The following HACD1 variants were observed in gnomAD, a reference collection of about 807,000 sequenced individuals.
HACD1 encodes very-long-chain (3R)-3-hydroxyacyl-CoA dehydratase 1.
Under a neutral mutation model 32.0 loss-of-function variants are expected in HACD1, and 41 were observed. That is an observed-to-expected ratio of 1.28 (90% CI 1.00 to 1.66). The LOEUF is 1.66. Ranked by LOEUF, HACD1 falls within the 40% of genes most tolerant of loss-of-function variation. The pLI, the probability that HACD1 is intolerant of heterozygous loss-of-function variation, is 0.00. For missense variants in HACD1, 396 were observed against 380.1 expected, an observed-to-expected ratio of 1.04 and a Z score of -0.35; for synonymous variants, 142 against 139.0, an observed-to-expected ratio of 1.02 and a Z score of -0.15.
chr10:17,598,116 C>T (rs1834018888), intron 5 of HACD1, among the ~76,000 whole-genome samples: 1 of 151,634 alleles, frequency 6.6e-6, no homozygotes, highest in African/African-American at 2.4e-5. Context: ...AAAAATTAGC[C>T]AGGTGTGGTG....
intron 4 of HACD1, among the ~76,000 whole-genome samples, chr10:17,600,265 A>G (rs928295223): frequency 2.0e-5 from 3 of 152,218 alleles, no homozygotes; most frequent in African/African-American, 7.2e-5. Flanking sequence ...CGCCCTCTAG[A>G]AAACTGACTC....
intron 1 of HACD1, among the ~76,000 whole-genome samples, chr10:17,609,155 G>GTTTTTTTTTTT (rs56347429): frequency 7.6e-6 from 1 of 132,128 alleles, no homozygotes; most frequent in African/African-American, 2.9e-5. Flanking sequence ...TGTGCAAAAG[G>GTTTTTTTTTTT]TTTTTTTTTT....
chr10:17,596,666 C>T (rs1413463953), intron 5 of HACD1, among the ~76,000 whole-genome samples: 16 of 151,636 alleles, frequency 1.1e-4, no homozygotes, highest in Non-Finnish European at 4.4e-5. Context: ...GTTCTGAGGG[C>T]AGTATGGGAG....
At chr10:17,616,944 C>T in intron 1 of HACD1, 139 bp downstream of exon 1, 1 of 1,006,156 alleles carries the variant, frequency 9.9e-7, no homozygotes, top group Non-Finnish European at 1.3e-6. Flanking sequence ...CGGCGGTGGC[C>T]GCGGCGACAG....
intron 4 of HACD1, among the ~76,000 whole-genome samples, chr10:17,600,453 C>A (rs1414900180): frequency 6.6e-6 from 1 of 152,112 alleles, no homozygotes; most frequent in Admixed American, 6.6e-5. Context: ...GAGTCTCATG[C>A]CTCAGCCTCC....
At chr10:17,607,952 G>A (rs187503103) in intron 1 of HACD1, among the ~76,000 whole-genome samples, 68 of 152,198 alleles carry the variant, frequency 4.5e-4, no homozygotes, top group Middle Eastern at 3.4e-3. Flanking sequence ...TTCATCTATC[G>A]GTTTAGTAAC....
At chr10:17,603,878 A>C in intron 2 of HACD1, 52 bp downstream of exon 2, 5 of 1,511,306 alleles carry the variant, frequency 3.3e-6, no homozygotes, top group Non-Finnish European at 4.6e-6. Context: ...ACAACAAAAA[A>C]TGTTCACATA....
At position 17,617,066 on chromosome 10, in the gene HACD1, C is replaced by G. The variant is rs1270776146; in HGVS notation, c.257+17G>C. 1.4e-6 allele frequency: 2 copies of G among 1,466,622 alleles called. No individual in the cohort carries two copies. The highest frequency in any genetic ancestry group is 4.9e-5 in the Admixed American group (2 of 40,520). The allele number at this position is 1,466,622 out of a possible 1,614,324, so 90.9% of individuals were successfully genotyped here. On this transcript the variant is annotated intron_variant, in intron 1 of 6. Coordinates refer to ENST00000361271, the MANE Select transcript of HACD1 (RefSeq NM_014241.4). ...GCGGCGCGGGGAGGGCCCGAGGGTG[C>G]CCCGCGGCGCGCGTACCCCGCGGTC...
intron 1 of HACD1, among the ~76,000 whole-genome samples, chr10:17,613,581 G>A (rs1295790927): frequency 6.6e-6 from 1 of 152,004 alleles, no homozygotes; most frequent in African/African-American, 2.4e-5. Context: ...AAATCTCACC[G>A]CCTCTAGAAA....
chr10:17,615,419 T>G (rs1833060905), intron 1 of HACD1: 1 of 152,678 alleles, frequency 6.5e-6, no homozygotes, highest in Non-Finnish European at 1.5e-5. Flanking sequence ...TAAATAACAT[T>G]TGTATGAACT....
chr10:17,617,121 G>T lies in HACD1; in HGVS notation c.219C>A (p.Thr73=). The part of the protein sequence containing the change: ...GERRRLGVLA[T]AWLTFYDIAM... ...CGATGTCGTAGAAGGTGAGCCAGGC[G>T]GTGGCCAAGACCCCCAGGCGCCTCC... The change falls in exon 1 of 7, where the codon ACC becomes ACA. Residue 73 remains threonine, a synonymous_variant. Coordinates refer to ENST00000361271, the MANE Select transcript of HACD1 (RefSeq NM_014241.4). 2 of 1,504,226 alleles carry T rather than the reference G, an allele frequency of 1.3e-6. No individual in the cohort carries two copies. The highest frequency in any genetic ancestry group is 2.1e-5 in the Admixed American group (1 of 46,854). The allele number at this position is 1,504,226 out of a possible 1,614,324, so 93.2% of individuals were successfully genotyped here.
chr10:17,611,898 C>T (rs1312727291), intron 1 of HACD1, among the ~76,000 whole-genome samples: 5 of 151,562 alleles, frequency 3.3e-5, no homozygotes, highest in South Asian at 2.1e-4. Flanking sequence ...ACCCGGGAGG[C>T]GGAGCTTGCA....
intron 1 of HACD1, 101 bp from the exon 2 acceptor site, chr10:17,604,148 A>G: frequency 1.2e-6 from 1 of 860,058 alleles, no homozygotes; most frequent in Non-Finnish European, 1.8e-6. Flanking sequence ...GAAAAGGTAA[A>G]AGCAACCCAG....
chr10:17,597,296 G>A (rs1001096263), intron 5 of HACD1, among the ~76,000 whole-genome samples: 8 of 152,024 alleles, frequency 5.3e-5, no homozygotes, highest in Non-Finnish European at 1.2e-4. Flanking sequence ...ACAGGCACAT[G>A]TGGCTAATTT....
chr10:17,608,562 C>A (rs1485215644), intron 1 of HACD1, among the ~76,000 whole-genome samples: 3 of 152,042 alleles, frequency 2.0e-5, no homozygotes, highest in Non-Finnish European at 2.9e-5. Flanking sequence ...TTTCAGCTCA[C>A]TGCAACCTCA....
intron 1 of HACD1, among the ~76,000 whole-genome samples, chr10:17,604,766 C>A (rs990246939): frequency 3.3e-5 from 5 of 152,164 alleles, no homozygotes; most frequent in African/African-American, 7.2e-5. Context: ...AGGGCAGTGG[C>A]GCAGTCTTGC....
intron 1 of HACD1, among the ~76,000 whole-genome samples, chr10:17,605,933 G>A (rs782279107): frequency 2.0e-5 from 3 of 151,656 alleles, no homozygotes; most frequent in Non-Finnish European, 4.4e-5. Context: ...CAGCCTGGGT[G>A]ACAGAGTGAG....
rs1833107243 is a variant in HACD1, at chr10:17,617,299, GA to G, written c.40del (p.Ser14LeufsTer70). On this transcript the variant is annotated frameshift_variant, in exon 1 of 7. Transcript: ENST00000361271. LOFTEE classifies it high-confidence loss of function. ...LTEAAAAGSG[S>X]RAAGWAGSPP... is the part of the protein sequence containing the mutation. ...GGACCCTGCCCAGCCTGCAGCCCGA[GA>G]GCCGCTGCCCGCTGCCGCCGCTTCC... 6 of 1,452,420 alleles carry G rather than the reference GA, an allele frequency of 4.1e-6. No homozygotes were observed. The highest frequency in any genetic ancestry group is 5.4e-6 in the Non-Finnish European group (6 of 1,108,608). The allele number at this position is 1,452,420 out of a possible 1,614,324, so 90.0% of individuals were successfully genotyped here.
intron 5 of HACD1, among the ~76,000 whole-genome samples, chr10:17,594,847 G>GGT (rs1564504781): frequency 1.3e-4 from 17 of 132,024 alleles, no homozygotes; most frequent in Non-Finnish European, 2.3e-4. Context: ...AATTTTTGGT[G>GGT]TTTTTTTTTT....
Sources: allele counts gnomAD v4.1 joint callset (sites outside exome capture counted in the v4.1 genomes callset), GRCh38; gene constraint gnomAD v4.1.1; transcripts MANE v1.5; gene names NCBI Gene and HGNC (gene_info 2026-07-23, HGNC 2026-07-21).